SRGAP1: variants seen among roughly 807,000 people sequenced by gnomAD.
The protein encoded by SRGAP1 is SLIT-ROBO Rho GTPase-activating protein 1.
SRGAP1 carries 43 observed loss-of-function variants against 121.9 expected under a neutral mutation model. That is an observed-to-expected ratio of 0.35 (90% CI 0.28 to 0.46). The LOEUF (loss-of-function observed/expected upper bound fraction) is 0.46, where lower values mean the gene tolerates loss of function less well. Ranked by LOEUF, SRGAP1 falls within the 20% of genes least tolerant of loss-of-function variation. The pLI, the probability that SRGAP1 is intolerant of heterozygous loss-of-function variation, is 1.00. For synonymous variants in SRGAP1, 447 were observed against 485.4 expected, an observed-to-expected ratio of 0.92 and a Z score of 1.04; for missense variants, 1,102 against 1,350.9, an observed-to-expected ratio of 0.82 and a Z score of 2.89.
At chr12:64,078,380 C>T (rs558633920) in intron 8 of SRGAP1, among the ~76,000 whole-genome samples, 16 of 152,166 alleles carry the variant, frequency 1.1e-4, no homozygotes, top group African/African-American at 3.6e-4. Flanking sequence ...AAAAGGAAGA[C>T]AAAAATTATA....
At chr12:64,000,239 G>GGGGTGTGTGT (rs375204504) in intron 3 of SRGAP1, among the ~76,000 whole-genome samples, 53 of 131,550 alleles carry the variant, frequency 4.0e-4, no homozygotes, top group Middle Eastern at 3.9e-3. Context: ...GAAAGGTAGG[G>GGGGTGTGTGT]GTGTGTGTGT....
Position 64,109,040 on chromosome 12 carries a change from A to G in SRGAP1, c.1919+3A>G. The G allele has an allele frequency of 6.5e-7, 1 of 1,533,154 alleles. No individual in the cohort carries two copies. The allele number at this position is 1,533,154 out of a possible 1,614,324, so 95.0% of individuals were successfully genotyped here. On this transcript the variant is annotated splice_donor_region_variant and intron_variant, in intron 16 of 21. Coordinates refer to ENST00000355086, the MANE Select transcript of SRGAP1 (RefSeq NM_020762.4). ...TACCTCTTTGCCTTCCTCAATCAGT[A>G]AGTACCTGAATGCTCTGACAAAAGG...
At chr12:63,974,169 A>G (rs997692653) in intron 1 of SRGAP1, among the ~76,000 whole-genome samples, 1 of 152,068 alleles carries the variant, frequency 6.6e-6, no homozygotes, top group Admixed American at 6.5e-5. Context: ...CTTTCCTACA[A>G]TGTTGTTCAA....
chr12:64,005,836 G>T (rs2034064770), intron 3 of SRGAP1, among the ~76,000 whole-genome samples: 1 of 151,910 alleles, frequency 6.6e-6, no homozygotes, highest in Non-Finnish European at 1.5e-5. Context: ...TAACTTTACT[G>T]AAATCAGCTT....
chr12:63,958,606 A>T (rs2032544213), intron 1 of SRGAP1, among the ~76,000 whole-genome samples: 1 of 152,200 alleles, frequency 6.6e-6, no homozygotes, highest in South Asian at 2.1e-4. Context: ...GAAGATTATC[A>T]TTTAATTTGG....
intron 8 of SRGAP1, among the ~76,000 whole-genome samples, chr12:64,076,313 T>C (rs1170230618): frequency 6.6e-6 from 1 of 152,128 alleles, no homozygotes; most frequent in African/African-American, 2.4e-5. Context: ...ATTGGGATTA[T>C]CAGAAATAAA....
chr12:64,142,173 A>C, intron 21 of SRGAP1, 122 bp from the exon 22 acceptor site: 1 of 952,538 alleles, frequency 1.0e-6, no homozygotes, highest in Non-Finnish European at 1.6e-6. Flanking sequence ...TCTGCAGACT[A>C]TGGAGTCAAA....
chr12:64,060,180 TCTTC>T (rs1293593701), intron 6 of SRGAP1, among the ~76,000 whole-genome samples: 1 of 151,128 alleles, frequency 6.6e-6, no homozygotes, highest in Non-Finnish European at 1.5e-5. Flanking sequence ...TTCCCTTTTT[TCTTC>T]CTTCCTTTCT....
rs192354544 is a variant in SRGAP1, at chr12:63,949,462, C to G, written c.68-34485C>G. 5.9e-3 allele frequency among the ~76,000 whole-genome samples: 875 copies of G among 148,046 alleles called. 11 individuals are homozygous for G. Among genetic ancestry groups the G allele is most frequent in the African/African-American group, 0.021 (851 of 40,272 alleles). ...TATTATTTTGAGACGGAACCTCGCT[C>G]TGTCACCCAGGCTAGAGTGCAGTGG... On this transcript the variant is annotated intron_variant, in intron 1 of 21. Transcript: ENST00000355086.
At chr12:63,980,984 T>C (rs972569215) in intron 1 of SRGAP1, among the ~76,000 whole-genome samples, 1 of 152,190 alleles carries the variant, frequency 6.6e-6, no homozygotes, top group Non-Finnish European at 1.5e-5. Context: ...TCCTAAACTT[T>C]TCTAAATGGA....
chr12:63,848,241 G>T (rs1192243569), intron 1 of SRGAP1, among the ~76,000 whole-genome samples: 2 of 151,894 alleles, frequency 1.3e-5, no homozygotes, highest in Non-Finnish European at 2.9e-5. Flanking sequence ...CCTGACCTCA[G>T]GTGATCCACC....
In SRGAP1 at chr12:63,948,928, C is replaced by CAT. The variant is rs1190000962; in HGVS notation, c.68-35010_68-35009dup. 6.4e-5 allele frequency among the ~76,000 whole-genome samples: 4 copies of CAT among 62,158 alleles called. 1 individual carries two copies. The highest frequency in any genetic ancestry group is 1.3e-4 in the Non-Finnish European group (4 of 31,758). The allele number at this position is 62,158 out of a possible 152,430, so 40.8% of individuals were successfully genotyped here. On this transcript the variant is annotated intron_variant, in intron 1 of 21. Transcript: ENST00000355086. ...ATATATTTTCCATATATATATATTC[C>CAT]ATATATATATTTTCCATATATATAT...
At chr12:64,032,318 G>C in intron 4 of SRGAP1, 1 of 338,336 alleles carries the variant, frequency 3.0e-6, no homozygotes. Flanking sequence ...CAGGCCAGTT[G>C]GCGTTTCTCC....
At chr12:63,860,716 C>T (rs1194543247) in intron 1 of SRGAP1, among the ~76,000 whole-genome samples, 1 of 152,002 alleles carries the variant, frequency 6.6e-6, no homozygotes, top group African/African-American at 2.4e-5. Context: ...GTTTATTAGT[C>T]TTTTCAAAGA....
In SRGAP1 at chr12:64,145,520, A is replaced by G. The variant is rs1377802954; in HGVS notation, c.*2848A>G. ...CCCATCACTCACTTTACCTGTCTCC[A>G]TCTTATTTCCCTATACTCCTATTGT... On this transcript the variant is annotated 3_prime_UTR_variant, in exon 22 of 22. Coordinates refer to ENST00000355086, the MANE Select transcript of SRGAP1 (RefSeq NM_020762.4). The G allele has an allele frequency of 2.0e-5, 3 of 148,914 alleles. No individual in the cohort carries two copies. Among genetic ancestry groups the G allele is most frequent in the Admixed American group, 6.7e-5 (1 of 15,006 alleles). 9.2% of individuals were successfully genotyped at this position (148,914 alleles called of 1,614,324 possible). A position where few individuals can be genotyped will look rare whatever the true frequency, so the allele number is the denominator to read the frequency against.
At chr12:64,120,716 C>T (rs1480504788) in intron 18 of SRGAP1, among the ~76,000 whole-genome samples, 1 of 151,946 alleles carries the variant, frequency 6.6e-6, no homozygotes, top group African/African-American at 2.4e-5. Context: ...CTGGGCAAGC[C>T]CTGGACTTAA....
chr12:64,040,910 G>GA (rs969193818), intron 4 of SRGAP1, among the ~76,000 whole-genome samples: 10 of 152,144 alleles, frequency 6.6e-5, no homozygotes, highest in Admixed American at 2.0e-4. Flanking sequence ...TTCTATTTCT[G>GA]AAAATTTGTC....
At chr12:63,957,351 T>C (rs1164968507) in intron 1 of SRGAP1, among the ~76,000 whole-genome samples, 1 of 152,216 alleles carries the variant, frequency 6.6e-6, no homozygotes, top group African/African-American at 2.4e-5. Flanking sequence ...GTAGGTCATC[T>C]GCTCAGGTTT....
At chr12:63,944,423 G>A (rs777289591) in intron 1 of SRGAP1, among the ~76,000 whole-genome samples, 4 of 152,166 alleles carry the variant, frequency 2.6e-5, no homozygotes, top group African/African-American at 4.8e-5. Context: ...CAGAAGGGGT[G>A]AGGGAGCTCC....
Sources: gnomAD v4.1 joint callset for allele counts (sites outside exome capture counted in the v4.1 genomes callset) on GRCh38, gnomAD v4.1.1 for gene constraint, MANE v1.5 for transcripts, NCBI Gene and HGNC (gene_info 2026-07-23, HGNC 2026-07-21) for gene names.